Variants in IGSF11 observed in about 807,000 individuals in gnomAD.
The protein encoded by IGSF11 is CXADR like 1.
In IGSF11, 22 loss-of-function variants were observed where a neutral mutation model predicts 41.0. The ratio of observed to expected loss-of-function variants is 0.54; its 90% confidence interval spans 0.38 to 0.77. The LOEUF is 0.77. Among genes scored for constraint, IGSF11 ranks in the 30% least tolerant of loss-of-function variants. IGSF11 has a pLI of 0.00. For synonymous variants in IGSF11, 219 were observed against 201.3 expected (o/e 1.09, Z -0.74); for missense variants, 444 against 530.8 (o/e 0.84, Z 1.61).
chr3:119,112,326 C>T (rs1475233377), intron 1 of IGSF11, among the ~76,000 whole-genome samples: 1 of 152,188 alleles, frequency 6.6e-6, no homozygotes, highest in East Asian at 1.9e-4. Flanking sequence ...GCCTCTCTGC[C>T]ACCTTGCAGT....
chr3:119,142,169 G>A (rs1244979150), intron 1 of IGSF11, among the ~76,000 whole-genome samples: 1 of 151,702 alleles, frequency 6.6e-6, no homozygotes, highest in Non-Finnish European at 1.5e-5. Flanking sequence ...CAGCTACTCG[G>A]GAGGCTGAAG....
At chr3:119,018,607 C>G (rs1938982823) in intron 1 of IGSF11, among the ~76,000 whole-genome samples, 1 of 152,206 alleles carries the variant, frequency 6.6e-6, no homozygotes, top group Admixed American at 6.5e-5. Context: ...ATTCATTCTG[C>G]TCTACAACTG....
At chr3:118,921,518 G>A (rs1445049017) in intron 4 of IGSF11, among the ~76,000 whole-genome samples, 1 of 152,042 alleles carries the variant, frequency 6.6e-6, no homozygotes, top group African/African-American at 2.4e-5. Context: ...ATTTAGTAGG[G>A]ACTTACACAT....
intron 1 of IGSF11, among the ~76,000 whole-genome samples, chr3:118,938,662 G>A (rs1487300258): frequency 6.6e-6 from 1 of 152,186 alleles, no homozygotes; most frequent in Admixed American, 6.5e-5. Context: ...TTATGACATA[G>A]GATCTTATTT....
At chr3:119,063,707 G>T (rs1409931533) in intron 1 of IGSF11, among the ~76,000 whole-genome samples, 1 of 152,156 alleles carries the variant, frequency 6.6e-6, no homozygotes, top group East Asian at 1.9e-4. Context: ...AGACAAGTCA[G>T]ATGTATTCAC....
upstream of IGSF11, chr3:119,105,315 A>G (rs1174514101): frequency 6.4e-6 from 4 of 629,318 alleles, no homozygotes; most frequent in Non-Finnish European, 1.1e-5. Context: ...CTTCTTGGGT[A>G]CAGGATTTGG....
chr3:118,958,160 T>A (rs936129736), intron 1 of IGSF11, among the ~76,000 whole-genome samples: 12 of 152,240 alleles, frequency 7.9e-5, no homozygotes, highest in African/African-American at 2.9e-4. Context: ...AATTTCTGTA[T>A]AGTATTTCAG....
intron 1 of IGSF11, among the ~76,000 whole-genome samples, chr3:119,126,306 T>C (rs1355124614): frequency 6.6e-6 from 1 of 152,182 alleles, no homozygotes; most frequent in East Asian, 1.9e-4. Context: ...CCTTCCTCAG[T>C]GGGCGGGGCT....
At chr3:118,973,094 T>C (rs931216198) in intron 1 of IGSF11, among the ~76,000 whole-genome samples, 1 of 152,206 alleles carries the variant, frequency 6.6e-6, no homozygotes, top group African/African-American at 2.4e-5. Context: ...CACTGTTTTG[T>C]TCTCTCTGCT....
chr3:119,011,933 C>T (rs1938160454), intron 1 of IGSF11, among the ~76,000 whole-genome samples: 1 of 149,296 alleles, frequency 6.7e-6, no homozygotes, highest in Non-Finnish European at 1.5e-5. Flanking sequence ...TCAACAGATG[C>T]TATATAGTGT....
At chr3:119,028,150 T>C (rs952465223) in intron 1 of IGSF11, among the ~76,000 whole-genome samples, 2 of 152,328 alleles carry the variant, frequency 1.3e-5, no homozygotes, top group East Asian at 1.9e-4. Flanking sequence ...TTATGATTAG[T>C]AAATGACTTT....
intron 1 of IGSF11, among the ~76,000 whole-genome samples, chr3:118,953,004 A>G (rs1944682438): frequency 6.6e-6 from 1 of 152,006 alleles, no homozygotes; most frequent in Non-Finnish European, 1.5e-5. Context: ...CCATCACCTG[A>G]GCAGTATACA....
At chr3:118,927,328 G>T (rs1249356305) in intron 3 of IGSF11, among the ~76,000 whole-genome samples, 1 of 151,930 alleles carries the variant, frequency 6.6e-6, no homozygotes, top group Non-Finnish European at 1.5e-5. Flanking sequence ...GTTAAGTCTG[G>T]ACAAACAAAA....
intron 1 of IGSF11, among the ~76,000 whole-genome samples, chr3:119,065,104 A>C (rs1054790392): frequency 3.9e-5 from 6 of 152,170 alleles, no homozygotes; most frequent in Admixed American, 3.3e-4. Flanking sequence ...GAAAGTTTTG[A>C]ATATTTTATC....
At chr3:119,038,681 T>A (rs990888495), upstream of IGSF11, among the ~76,000 whole-genome samples, 16 of 152,198 alleles carry the variant, frequency 1.1e-4, no homozygotes, top group African/African-American at 3.9e-4. Flanking sequence ...TTTTTGTATT[T>A]TCATTTTTAT....
intron 4 of IGSF11, among the ~76,000 whole-genome samples, chr3:118,923,275 C>T (rs917054657): frequency 6.6e-6 from 1 of 152,164 alleles, no homozygotes; most frequent in Non-Finnish European, 1.5e-5. Flanking sequence ...AACCAGTGCA[C>T]AGTAAACTTG....
At chr3:118,981,758 C>T (rs901631667) in intron 1 of IGSF11, 1 of 152,476 alleles carries the variant, frequency 6.6e-6, no homozygotes, top group African/African-American at 2.4e-5. Flanking sequence ...TTCCTCTAAA[C>T]CCACCAATTA....
chr3:118,926,884 T>C (rs1023668033), intron 3 of IGSF11, among the ~76,000 whole-genome samples: 2 of 152,110 alleles, frequency 1.3e-5, no homozygotes, highest in East Asian at 1.9e-4. Flanking sequence ...TGGTGATATA[T>C]AGTAACAAGG....
intron 1 of IGSF11, among the ~76,000 whole-genome samples, chr3:118,977,365 A>G (rs140122923): frequency 7.1e-4 from 108 of 152,312 alleles, no homozygotes; most frequent in African/African-American, 2.5e-3. Context: ...GCCCCACACT[A>G]TATCTGGAAC....
Sources: allele counts gnomAD v4.1 joint callset (sites outside exome capture counted in the v4.1 genomes callset), GRCh38; gene constraint gnomAD v4.1.1; transcripts MANE v1.5; gene names NCBI Gene and HGNC (gene_info 2026-07-23, HGNC 2026-07-21).